The following DGKI variants were observed in gnomAD, a reference collection of about 807,000 sequenced individuals.
DGKI encodes diacylglycerol kinase iota.
DGKI carries 55 observed loss-of-function variants against 147.5 expected under a neutral mutation model. That is an observed-to-expected ratio of 0.37 (90% confidence interval 0.30 to 0.47). DGKI has a LOEUF of 0.47. DGKI is among the 20% of genes least tolerant of loss of function. The pLI is 1.00. For synonymous variants in DGKI, 469 were observed against 477.1 expected (o/e 0.98, Z 0.22); for missense variants, 1,007 against 1,323.8 (o/e 0.76, Z 3.71).
intron 23 of DGKI, among the ~76,000 whole-genome samples, chr7:137,476,444 T>C (rs903268837): frequency 6.6e-6 from 1 of 152,222 alleles, no homozygotes; most frequent in African/African-American, 2.4e-5. Context: ...ATTTTTTATT[T>C]CATCTACTGA....
At chr7:137,433,714 T>C (rs1243468728) in intron 28 of DGKI, among the ~76,000 whole-genome samples, 3 of 152,254 alleles carry the variant, frequency 2.0e-5, no homozygotes, top group Non-Finnish European at 4.4e-5. Flanking sequence ...AGATTTCTCA[T>C]TTCCTAAATA....
chr7:137,810,011 T>C (rs1213652996), intron 1 of DGKI, among the ~76,000 whole-genome samples: 1 of 152,216 alleles, frequency 6.6e-6, no homozygotes, highest in Non-Finnish European at 1.5e-5. Context: ...GAGGTTCTTC[T>C]GCTTTCACAG....
At chr7:137,845,718 C>T (rs1016972857) in intron 1 of DGKI, among the ~76,000 whole-genome samples, 2 of 152,136 alleles carry the variant, frequency 1.3e-5, no homozygotes, top group Non-Finnish European at 1.5e-5. Flanking sequence ...CCCACACTGT[C>T]CTTGTCTTAC....
At chr7:137,672,766 C>CT (rs60078498) in intron 3 of DGKI, among the ~76,000 whole-genome samples, 1,408 of 65,644 alleles carry the variant, frequency 0.021, 211 homozygotes, top group Middle Eastern at 0.061. Context: ...CTCTGTGTGT[C>CT]TTTTTTTTTT....
At chr7:137,733,971 G>C (rs1475806677) in intron 1 of DGKI, among the ~76,000 whole-genome samples, 1 of 152,068 alleles carries the variant, frequency 6.6e-6, no homozygotes, top group Non-Finnish European at 1.5e-5. Flanking sequence ...GTTTCTATCT[G>C]AAACAAGTCT....
At position 137,678,580 on chromosome 7, in the gene DGKI, C is replaced by T. The variant is rs767973885; in HGVS notation, c.583G>A (p.Glu195Lys). 12 of 1,614,016 alleles carry T rather than the reference C, an allele frequency of 7.4e-6. No individual in the cohort carries two copies. In the African/African-American group the frequency reaches 1.3e-4, roughly 18 times the overall value. Residue 195 changes from glutamate (E) to lysine (K), a missense_variant, in exon 3 of 33, where the codon GAG (glutamate) becomes AAG (lysine). Transcript: ENST00000614521. ...VSGDLCYLGE[E>K]NCQVRFAKSA... The stretch of plus-strand genomic sequence containing the variant: ...ACTGCAAATCTGACTTGGCAGTTCT[C>T]CTCTCCAAGGTAGCAGAGGTCTCCC...
chr7:137,472,278 A>ATGTATATATACAT lies in DGKI; in HGVS notation c.2374-2660_2374-2659insATGTATATATACA, dbSNP rs1446460925. 1.1e-3 allele frequency among the ~76,000 whole-genome samples: 97 copies of ATGTATATATACAT among 89,590 alleles called. 1 individual carries two copies. The highest frequency in any genetic ancestry group is 3.9e-3 in the African/African-American group (95 of 24,600). The allele number at this position is 89,590 out of a possible 152,430, so 58.8% of individuals were successfully genotyped here. ...TAATATTATATGTATATATACATAT[A>ATGTATATATACAT]ATATTATATGTATGTGTATATTTAT... is the stretch of plus-strand genomic sequence containing the variant. On this transcript the variant is annotated intron_variant, in intron 23 of 32. Transcript: ENST00000614521.
chr7:137,673,885 G>A (rs561305182), intron 3 of DGKI, among the ~76,000 whole-genome samples: 8 of 152,274 alleles, frequency 5.3e-5, no homozygotes, highest in African/African-American at 1.9e-4. Flanking sequence ...CATGAGAACA[G>A]TTTCTATCTG....
Position 137,547,431 on chromosome 7 carries a change from A to G in DGKI, c.2147+4938T>C, listed in dbSNP as rs369283656. On this transcript the variant is annotated intron_variant, in intron 20 of 32. Transcript: ENST00000614521. ...CATCATGAAGCCCTATTAGTTAACTATTTCTCATGGAAATTCCTTCTGTCC... is the reference window on the plus strand; with the variant it reads ...CATCATGAAGCCCTATTAGTTAACTGTTTCTCATGGAAATTCCTTCTGTCC... Among the ~76,000 whole-genome samples, 3 of 152,208 alleles carry G rather than the reference A, an allele frequency of 2.0e-5. No homozygotes were observed. In the East Asian group the frequency reaches 5.8e-4, roughly 29 times the overall value.
At chr7:137,483,283 T>C (rs899867727) in intron 23 of DGKI, among the ~76,000 whole-genome samples, 4 of 152,094 alleles carry the variant, frequency 2.6e-5, no homozygotes, top group Non-Finnish European at 5.9e-5. Flanking sequence ...TAAACCTAGC[T>C]AGGATAAATC....
At chr7:137,484,430 A>G (rs1815481264) in intron 23 of DGKI, among the ~76,000 whole-genome samples, 1 of 152,086 alleles carries the variant, frequency 6.6e-6, no homozygotes, top group Admixed American at 6.6e-5. Context: ...ACATGGAAGT[A>G]TGAAGGGTTT....
At chr7:137,564,075 A>C (rs1314319555) in intron 19 of DGKI, among the ~76,000 whole-genome samples, 1 of 152,172 alleles carries the variant, frequency 6.6e-6, no homozygotes, top group Non-Finnish European at 1.5e-5. Context: ...TAAACAAATC[A>C]ATGGAACAGA....
intron 1 of DGKI, among the ~76,000 whole-genome samples, chr7:137,707,847 A>G (rs1173571158): frequency 6.6e-6 from 1 of 152,208 alleles, no homozygotes; most frequent in Non-Finnish European, 1.5e-5. Context: ...ATCCTGACCA[A>G]GATCTTGTTA....
chr7:137,787,586 C>G (rs931715951), intron 1 of DGKI, among the ~76,000 whole-genome samples: 2 of 152,122 alleles, frequency 1.3e-5, no homozygotes, highest in African/African-American at 4.8e-5. Context: ...AATAGATCTA[C>G]CATTTGATCC....
rs758393731 is a variant in DGKI, at chr7:137,412,164, T to C, written c.2799+6A>G. The C allele has an allele frequency of 3.1e-6, 5 of 1,613,418 alleles. No individual in the cohort carries two copies. In the East Asian group the frequency reaches 8.9e-5, roughly 29 times the overall value. On this transcript the variant is annotated splice_donor_region_variant and intron_variant, in intron 29 of 32. Coordinates refer to ENST00000614521, the MANE Select transcript of DGKI (RefSeq NM_001321708.2). Reference sequence around the variant, plus strand: ...TCGCCAAAGATTTGGTAGGAAGATATCTTACCTTCATAAGATCACCAGCTA... The same window carrying C: ...TCGCCAAAGATTTGGTAGGAAGATACCTTACCTTCATAAGATCACCAGCTA...
chr7:137,391,772 A>G lies in DGKI; in HGVS notation c.3058-436T>C, dbSNP rs1811374874. On this transcript the variant is annotated intron_variant, in intron 32 of 32. Transcript: ENST00000614521. ...AGATTTCTAGTTTAGGACTCTTTCT[A>G]TTATTCTAAACTTGGGAAATCAACA... 3.9e-5 allele frequency among the ~76,000 whole-genome samples: 6 copies of G among 152,202 alleles called. No homozygotes were observed. In the South Asian group the frequency reaches 6.2e-4, roughly 16 times the overall value.
intron 1 of DGKI, among the ~76,000 whole-genome samples, chr7:137,695,761 G>A (rs892655434): frequency 2.0e-5 from 3 of 152,104 alleles, no homozygotes; most frequent in African/African-American, 7.2e-5. Flanking sequence ...TTCTCTAATT[G>A]CCTTAATTAT....
intron 19 of DGKI, among the ~76,000 whole-genome samples, chr7:137,555,010 G>A (rs1369750399): frequency 2.1e-4 from 29 of 140,754 alleles, no homozygotes; most frequent in Admixed American, 2.0e-3. Flanking sequence ...TCCACCTCCC[G>A]GGTTCAAGTG....
intron 1 of DGKI, among the ~76,000 whole-genome samples, chr7:137,737,923 T>C (rs1312766081): frequency 3.9e-5 from 6 of 152,128 alleles, no homozygotes; most frequent in Admixed American, 6.6e-5. Context: ...ATAATTTCTA[T>C]GATTAATCTG....
Sources: allele counts gnomAD v4.1 joint callset (sites outside exome capture counted in the v4.1 genomes callset), GRCh38; gene constraint gnomAD v4.1.1; transcripts MANE v1.5; gene names NCBI Gene and HGNC (gene_info 2026-07-23, HGNC 2026-07-21).